SSBP2: variants seen among roughly 807,000 people sequenced by gnomAD.
The protein encoded by SSBP2 is single-stranded DNA-binding protein 2.
SSBP2 carries 17 observed loss-of-function variants against 61.8 expected under a neutral mutation model. The ratio of observed to expected loss-of-function variants is 0.28; its 90% CI spans 0.19 to 0.41. The LOEUF (loss-of-function observed/expected upper bound fraction) is 0.41. Ranked by LOEUF, SSBP2 falls within the 10% of genes least tolerant of loss-of-function variation. The pLI is 1.00. For missense variants in SSBP2, 310 were observed against 458.7 expected (o/e 0.68, Z 2.96); for synonymous variants, 139 against 141.3 (o/e 0.98, Z 0.12).
chr5:81,574,651 G>A (rs1373305239), intron 4 of SSBP2, among the ~76,000 whole-genome samples: 1 of 151,544 alleles, frequency 6.6e-6, no homozygotes, highest in Non-Finnish European at 1.5e-5. Flanking sequence ...GGTAAAACGC[G>A]GCGAAAACCA....
intron 4 of SSBP2, among the ~76,000 whole-genome samples, chr5:81,571,094 C>A (rs1466175725): frequency 6.6e-6 from 1 of 152,170 alleles, no homozygotes; most frequent in Admixed American, 6.5e-5. Context: ...ATCTTGGTTT[C>A]TTTTGTGGAG....
At chr5:81,428,366 C>T (rs1001010638) in intron 16 of SSBP2, among the ~76,000 whole-genome samples, 2 of 152,050 alleles carry the variant, frequency 1.3e-5, no homozygotes, top group Admixed American at 1.3e-4. Context: ...AATGAGAAAA[C>T]TATTATTATG....
intron 1 of SSBP2, among the ~76,000 whole-genome samples, chr5:81,724,177 C>CA (rs1755724939): frequency 6.6e-6 from 1 of 151,928 alleles, no homozygotes; most frequent in South Asian, 2.1e-4. Context: ...TTGAGGTATG[C>CA]AAAAAATCTT....
At chr5:81,425,889 C>T (rs997982008) in intron 16 of SSBP2, among the ~76,000 whole-genome samples, 1 of 152,096 alleles carries the variant, frequency 6.6e-6, no homozygotes, top group African/African-American at 2.4e-5. Context: ...GTATCTAGTA[C>T]ATAAAGAGTA....
intron 2 of SSBP2, among the ~76,000 whole-genome samples, chr5:81,642,979 T>C (rs1310412185): frequency 6.6e-6 from 1 of 152,200 alleles, no homozygotes; most frequent in Admixed American, 6.5e-5. Context: ...ATTTACCTAT[T>C]ATCTCTCAGC....
chr5:81,667,659 C>CA lies in SSBP2; in HGVS notation c.63-17321dup, dbSNP rs921020538. ...TACTGTAAAGATAAGTTACCTCCCT[C>CA]AAAAAAAAGGCGATACTAGGAATGA... On this transcript the variant is annotated intron_variant, in intron 1 of 16. Coordinates refer to ENST00000320672, the MANE Select transcript of SSBP2 (RefSeq NM_012446.5). Among the ~76,000 whole-genome samples, 16 of 151,196 alleles carry CA rather than the reference C, an allele frequency of 1.1e-4. No homozygotes were observed. In the East Asian group the frequency reaches 1.9e-3, roughly 18 times the overall value.
At chr5:81,661,906 T>C (rs1347233746) in intron 1 of SSBP2, among the ~76,000 whole-genome samples, 3 of 152,210 alleles carry the variant, frequency 2.0e-5, no homozygotes, top group South Asian at 4.1e-4. Flanking sequence ...ATCCATGAAA[T>C]CATTGCTAAA....
intron 1 of SSBP2, among the ~76,000 whole-genome samples, chr5:81,743,044 A>G (rs12659750): frequency 0.14 from 21,164 of 152,156 alleles, 2,222 homozygotes; most frequent in East Asian, 0.49. Context: ...AACAAATCTT[A>G]GTTATTTCTA....
chr5:81,612,598 TTA>T (rs1479189048), intron 4 of SSBP2, among the ~76,000 whole-genome samples: 1 of 152,080 alleles, frequency 6.6e-6, no homozygotes, highest in Non-Finnish European at 1.5e-5. Context: ...AAAAAGTAGT[TTA>T]TGTGTCAATA....
intron 9 of SSBP2, among the ~76,000 whole-genome samples, chr5:81,466,421 C>T (rs145480055): frequency 2.2e-3 from 330 of 152,052 alleles, no homozygotes; most frequent in Non-Finnish European, 3.7e-3. Context: ...TCCTACGCTA[C>T]GGAAAGTTCT....
chr5:81,504,424 C>A (rs915337598), intron 5 of SSBP2, among the ~76,000 whole-genome samples: 9 of 152,164 alleles, frequency 5.9e-5, no homozygotes, highest in Non-Finnish European at 1.2e-4. Context: ...TCTCACAATT[C>A]TCCCCAGCTG....
chr5:81,476,275 A>C (rs982094291), intron 6 of SSBP2, among the ~76,000 whole-genome samples: 7 of 152,162 alleles, frequency 4.6e-5, no homozygotes, highest in African/African-American at 4.8e-5. Context: ...ATCCAAGTCC[A>C]AGATCTCAAT....
chr5:81,615,288 A>C, intron 4 of SSBP2, 185 bp downstream of exon 4: 1 of 599,136 alleles, frequency 1.7e-6, no homozygotes, highest in Non-Finnish European at 2.9e-6. Context: ...CCTAAGCTTT[A>C]ACAAGACTCA....
intron 4 of SSBP2, among the ~76,000 whole-genome samples, chr5:81,571,854 C>T (rs1465239530): frequency 6.6e-6 from 1 of 151,988 alleles, no homozygotes; most frequent in Non-Finnish European, 1.5e-5. Context: ...AGTGATATTA[C>T]AAATGAAAAG....
chr5:81,506,253 ACTT>A (rs1768173341), intron 5 of SSBP2, among the ~76,000 whole-genome samples: 1 of 152,122 alleles, frequency 6.6e-6, no homozygotes, highest in African/African-American at 2.4e-5. Flanking sequence ...AGAAAATTAA[ACTT>A]AATTTTTATT....
chr5:81,612,063 T>C (rs930063343), intron 4 of SSBP2, among the ~76,000 whole-genome samples: 1 of 152,124 alleles, frequency 6.6e-6, no homozygotes, highest in African/African-American at 2.4e-5. Context: ...ACAGATAAGT[T>C]TATGGCATTG....
At chr5:81,675,944 A>G (rs1192490389) in intron 1 of SSBP2, among the ~76,000 whole-genome samples, 1 of 152,110 alleles carries the variant, frequency 6.6e-6, no homozygotes, top group African/African-American at 2.4e-5. Flanking sequence ...TTTTCCTCAG[A>G]CCCACTACGT....
At chr5:81,450,906 C>T (rs1763724143) in intron 10 of SSBP2, among the ~76,000 whole-genome samples, 1 of 152,182 alleles carries the variant, frequency 6.6e-6, no homozygotes, top group East Asian at 1.9e-4. Context: ...AAACACAAAA[C>T]ACGGTTGACA....
At chr5:81,627,728 T>G (rs543060497) in intron 3 of SSBP2, among the ~76,000 whole-genome samples, 2 of 152,232 alleles carry the variant, frequency 1.3e-5, no homozygotes, top group African/African-American at 4.8e-5. Flanking sequence ...CAAAGTCACT[T>G]TAAAAGGTGC....
Sources: allele counts gnomAD v4.1 joint callset (sites outside exome capture counted in the v4.1 genomes callset), GRCh38; gene constraint gnomAD v4.1.1; transcripts MANE v1.5; gene names NCBI Gene and HGNC (gene_info 2026-07-23, HGNC 2026-07-21).